The following PTPRZ1 variants were observed in gnomAD, a reference collection of about 807,000 sequenced individuals.
PTPRZ1 encodes the protein receptor-type tyrosine-protein phosphatase zeta.
Under a neutral mutation model 214.1 loss-of-function variants are expected in PTPRZ1, and 82 were observed. That is an observed-to-expected ratio of 0.38 (90% confidence interval 0.32 to 0.46). PTPRZ1 has a LOEUF of 0.46. PTPRZ1 is among the 20% of genes least tolerant of loss of function. The probability of loss-of-function intolerance (pLI) is 1.00; values close to 1 mark genes in which losing one functional copy is unlikely to be tolerated. For synonymous variants in PTPRZ1, 945 were observed against 987.9 expected (o/e 0.96, Z 0.81); for missense variants, 2,603 against 2,748.7 (o/e 0.95, Z 1.19).
chr7:122,020,262 A>C (rs1214089404), intron 13 of PTPRZ1, among the ~76,000 whole-genome samples: 1 of 152,152 alleles, frequency 6.6e-6, no homozygotes, highest in Non-Finnish European at 1.5e-5. Context: ...GAACAAATGA[A>C]TGAAAAAAGA....
chr7:121,873,612 G>A, intron 1 of PTPRZ1, 55 bp downstream of exon 1: 1 of 1,595,370 alleles, frequency 6.3e-7, no homozygotes, highest in Non-Finnish European at 8.6e-7. Context: ...GGATGAGGGT[G>A]GGAGCATTTC....
At chr7:121,897,441 G>T (rs185086562) in intron 1 of PTPRZ1, among the ~76,000 whole-genome samples, 1 of 152,104 alleles carries the variant, frequency 6.6e-6, no homozygotes, top group African/African-American at 2.4e-5. Context: ...CTGTGGGTTC[G>T]AGGCTTTCTG....
chr7:122,041,769 T>C (rs1482344120), intron 21 of PTPRZ1, among the ~76,000 whole-genome samples: 4 of 152,216 alleles, frequency 2.6e-5, no homozygotes, highest in African/African-American at 7.2e-5. Flanking sequence ...GCCTTTGATA[T>C]ATAGCTTATC....
intron 13 of PTPRZ1, among the ~76,000 whole-genome samples, chr7:122,023,660 T>C (rs1246678616): frequency 7.5e-6 from 1 of 132,490 alleles, no homozygotes; most frequent in Admixed American, 8.5e-5. Flanking sequence ...ATATATATTA[T>C]ATGTATAATT....
intron 1 of PTPRZ1, among the ~76,000 whole-genome samples, chr7:121,918,848 C>CAA (rs10648079): frequency 0.18 from 27,914 of 150,938 alleles, 2,727 homozygotes; most frequent in East Asian, 0.29. Context: ...ATGTATATTT[C>CAA]AAAAAAAATC....
At chr7:121,938,370 C>A (rs1372169751) in intron 2 of PTPRZ1, among the ~76,000 whole-genome samples, 1 of 152,186 alleles carries the variant, frequency 6.6e-6, no homozygotes, top group East Asian at 1.9e-4. Context: ...GACTTGGCAG[C>A]AACTTTGTCA....
Position 122,013,038 on chromosome 7 carries a change from T to C in PTPRZ1, c.3992T>C (p.Ile1331Thr), listed in dbSNP as rs775927792. Reference sequence around the variant, plus strand: ...TTAAATACACTAATAAATAAGCTTATACATTCCGATGAAATTTTAACCTCC... The same window carrying C: ...TTAAATACACTAATAAATAAGCTTACACATTCCGATGAAATTTTAACCTCC... Reference protein sequence around the residue: ...EPLNTLINKLIHSDEILTSTK... With the variant: ...EPLNTLINKLTHSDEILTSTK... Residue 1331 changes from isoleucine (I) to threonine (T), a missense_variant, in exon 12 of 30, where the codon ATA (isoleucine) becomes ACA (threonine). Physicochemically the swap from Ile to Thr is moderately conservative, Grantham distance 89. Around this residue, in one of 6 missense-constraint regions of PTPRZ1, gnomAD observed 1,913 missense variants for 1,914.3 expected, o/e 1.00. Transcript: ENST00000393386. The C allele has an allele frequency of 1.9e-6, 3 of 1,609,606 alleles. No homozygotes were observed. The highest frequency in any genetic ancestry group is 2.6e-6 in the Non-Finnish European group (3 of 1,175,884).
chr7:121,945,140 T>G (rs1437934410), intron 2 of PTPRZ1, among the ~76,000 whole-genome samples: 2 of 152,238 alleles, frequency 1.3e-5, no homozygotes, highest in South Asian at 2.1e-4. Flanking sequence ...CATTCACTTA[T>G]TCATATATTC....
chr7:122,012,090 C>T lies in PTPRZ1; in HGVS notation c.3044C>T (p.Ala1015Val). 1 of 1,614,022 alleles carries T rather than the reference C, an allele frequency of 6.2e-7. No individual in the cohort carries two copies. Among genetic ancestry groups the T allele is most frequent in the South Asian group, 1.1e-5 (1 of 91,072 alleles). ...TTACCTGACACAGATGGGCTGACAG[C>T]CCTTAACATTTCTTCACCTGTTTCT... Reference protein sequence around the residue: ...FLLPDTDGLTALNISSPVSVA... With the variant: ...FLLPDTDGLTVLNISSPVSVA... Residue 1015 changes from alanine (A) to valine (V), a missense_variant, in exon 12 of 30, where the codon GCC (alanine) becomes GTC (valine). By Grantham distance (64) the Ala-to-Val change is moderately conservative. This residue lies in a region of PTPRZ1 where 1,913 missense variants were observed against 1,914.3 expected (regional missense o/e 1.00). Transcript: ENST00000393386.
At chr7:121,887,533 CTA>C (rs1402004830) in intron 1 of PTPRZ1, among the ~76,000 whole-genome samples, 1 of 152,020 alleles carries the variant, frequency 6.6e-6, no homozygotes, top group African/African-American at 2.4e-5. Flanking sequence ...GTCCAAGAGT[CTA>C]TATAGATTTT....
intron 1 of PTPRZ1, 77 bp downstream of exon 1, chr7:121,873,634 G>A: frequency 6.5e-7 from 1 of 1,538,720 alleles, no homozygotes; most frequent in Admixed American, 1.7e-5. Context: ...GCGTGTCCGC[G>A]ACTTGCCGCC....
At chr7:121,912,950 T>C (rs1264738746) in intron 1 of PTPRZ1, among the ~76,000 whole-genome samples, 2 of 152,114 alleles carry the variant, frequency 1.3e-5, no homozygotes, top group Non-Finnish European at 2.9e-5. Context: ...CCTCTAAGAT[T>C]ATAAATCCTA....
chr7:121,888,014 C>T (rs1479514317), intron 1 of PTPRZ1, among the ~76,000 whole-genome samples: 1 of 152,028 alleles, frequency 6.6e-6, no homozygotes, highest in Admixed American at 6.6e-5. Context: ...CCATTGGTTA[C>T]CTGTTGCTGT....
chr7:122,037,809 T>A (rs1318886790), intron 18 of PTPRZ1, among the ~76,000 whole-genome samples: 2 of 152,182 alleles, frequency 1.3e-5, no homozygotes, highest in African/African-American at 4.8e-5. Flanking sequence ...AGCTTTAGGT[T>A]CCTCATCTCC....
At chr7:122,009,343 T>C (rs1347521205) in intron 11 of PTPRZ1, among the ~76,000 whole-genome samples, 1 of 151,884 alleles carries the variant, frequency 6.6e-6, no homozygotes, top group Non-Finnish European at 1.5e-5. Flanking sequence ...TACTCAGTAA[T>C]TTTTTTCTTT....
chr7:121,974,558 G>A (rs1329147724), intron 4 of PTPRZ1, among the ~76,000 whole-genome samples: 4 of 152,104 alleles, frequency 2.6e-5, no homozygotes, highest in African/African-American at 4.8e-5. Context: ...CATGATCTCG[G>A]CTCACTGCAA....
intron 14 of PTPRZ1, among the ~76,000 whole-genome samples, chr7:122,031,051 G>A (rs540257774): frequency 3.3e-5 from 5 of 151,980 alleles, no homozygotes; most frequent in East Asian, 1.9e-4. Flanking sequence ...TTACAAAACC[G>A]AAATTACACT....
chr7:121,950,841 G>A (rs547933141), intron 2 of PTPRZ1, among the ~76,000 whole-genome samples: 2 of 152,254 alleles, frequency 1.3e-5, no homozygotes, highest in South Asian at 2.1e-4. Context: ...ACAAGTAGCA[G>A]ACTGTTGAAT....
chr7:121,943,298 A>G (rs1325498100), intron 2 of PTPRZ1, among the ~76,000 whole-genome samples: 2 of 152,200 alleles, frequency 1.3e-5, no homozygotes, highest in African/African-American at 4.8e-5. Context: ...AGCAATCACA[A>G]TGATAAAGAA....
Sources: gnomAD v4.1 joint callset for allele counts (sites outside exome capture counted in the v4.1 genomes callset) on GRCh38, gnomAD v4.1.1 for gene constraint, gnomAD v4.1.1 regional missense constraint, MANE v1.5 for transcripts, NCBI Gene and HGNC (gene_info 2026-07-23, HGNC 2026-07-21) for gene names.